Variants in PTPRO observed in about 807,000 individuals in gnomAD.
PTPRO encodes the protein receptor-type tyrosine-protein phosphatase O.
A neutral mutation model predicts 145.2 loss-of-function variants in PTPRO; 62 were observed. The observed-to-expected ratio is 0.43, with a 90% CI of 0.35 to 0.53. The LOEUF is 0.53. Ranked by LOEUF, PTPRO falls within the 20% of genes least tolerant of loss-of-function variation. The pLI is 0.01. For missense variants in PTPRO, 1,345 were observed against 1,482.7 expected, an observed-to-expected ratio of 0.91 and a Z score of 1.53; for synonymous variants, 565 against 514.7, an observed-to-expected ratio of 1.10 and a Z score of -1.32.
chr12:15,580,899 T>C (rs1288397511), intron 22 of PTPRO, 68 bp downstream of exon 22: 3 of 1,579,416 alleles, frequency 1.9e-6, no homozygotes, highest in African/African-American at 1.4e-5. Flanking sequence ...GTTGATGAAA[T>C]GCTTGCTGTT....
At chr12:15,557,610 T>G in intron 16 of PTPRO, 87 bp downstream of exon 16, 1 of 1,174,394 alleles carries the variant, frequency 8.5e-7, no homozygotes, top group Non-Finnish European at 1.3e-6. Flanking sequence ...TTGGGGATAG[T>G]TTTGTCTGAT....
At chr12:15,337,801 GA>G (rs1866816857) in intron 1 of PTPRO, among the ~76,000 whole-genome samples, 1 of 152,156 alleles carries the variant, frequency 6.6e-6, no homozygotes, top group Non-Finnish European at 1.5e-5. Flanking sequence ...ATGCTGAGTG[GA>G]AAAAGTCCAT....
intron 23 of PTPRO, among the ~76,000 whole-genome samples, chr12:15,583,376 G>A (rs1944361568): frequency 6.6e-6 from 1 of 151,934 alleles, no homozygotes; most frequent in Admixed American, 6.6e-5. Flanking sequence ...CTACTCAAGA[G>A]GCTGAGGTGG....
At chr12:15,399,461 C>T (rs566090720) in intron 1 of PTPRO, among the ~76,000 whole-genome samples, 2 of 152,290 alleles carry the variant, frequency 1.3e-5, no homozygotes, top group South Asian at 2.1e-4. Context: ...CACTAGCATG[C>T]AGTACCAAGG....
intron 1 of PTPRO, among the ~76,000 whole-genome samples, chr12:15,396,433 T>A (rs1939341069): frequency 6.6e-6 from 1 of 151,544 alleles, no homozygotes; most frequent in Non-Finnish European, 1.5e-5. Flanking sequence ...CCTTAAAAGT[T>A]ACTAAATTAC....
intron 1 of PTPRO, among the ~76,000 whole-genome samples, chr12:15,469,050 G>A (rs1257019578): frequency 6.6e-6 from 1 of 152,184 alleles, no homozygotes; most frequent in Non-Finnish European, 1.5e-5. Flanking sequence ...TTCGTAAGTA[G>A]GCTGCACTCT....
chr12:15,576,286 C>T (rs1054538063), intron 19 of PTPRO, among the ~76,000 whole-genome samples: 1 of 152,246 alleles, frequency 6.6e-6, no homozygotes, highest in Non-Finnish European at 1.5e-5. Flanking sequence ...TCAAAGCATA[C>T]TGTGTTTACA....
Position 15,497,399 on chromosome 12 carries a change from T to C in PTPRO, c.504T>C (p.Tyr168=). 6.2e-7 allele frequency: 1 copy of C among 1,613,272 alleles called. No individual in the cohort carries two copies. Among genetic ancestry groups the C allele is most frequent in the South Asian group, 1.1e-5 (1 of 91,064 alleles). ...WEGKDFRTML[Y]KDFFKGKTVF... ...GTAAAGACTTCCGGACAATGCTATA[T>C]AAAGGTAAGCAGCAAAAGGAAAGCT... The change falls in exon 3 of 27, where the codon TAT becomes TAC. Residue 168 remains tyrosine, a synonymous_variant. Transcript: ENST00000281171.
chr12:15,347,190 C>T (rs1867250853), intron 1 of PTPRO, among the ~76,000 whole-genome samples: 5 of 152,126 alleles, frequency 3.3e-5, no homozygotes, highest in Admixed American at 2.6e-4. Context: ...TTCCATACTC[C>T]ATCCTTAATT....
intron 1 of PTPRO, among the ~76,000 whole-genome samples, chr12:15,474,614 C>T (rs10846182): frequency 0.53 from 80,459 of 151,998 alleles, 22,341 homozygotes; most frequent in Middle Eastern, 0.66. Context: ...TAAAGGAAAT[C>T]TCAGTAAAAA....
intron 5 of PTPRO, among the ~76,000 whole-genome samples, chr12:15,503,128 A>G (rs533414725): frequency 1.5e-3 from 229 of 152,184 alleles, no homozygotes; most frequent in African/African-American, 5.4e-3. Context: ...TCCTTAATCT[A>G]TCATTTATTT....
intron 23 of PTPRO, among the ~76,000 whole-genome samples, chr12:15,585,756 A>C (rs1458236400): frequency 6.6e-6 from 1 of 152,164 alleles, no homozygotes; most frequent in Non-Finnish European, 1.5e-5. Context: ...GAACTGAGGG[A>C]TGAATCAGAC....
chr12:15,385,082 A>T (rs955615587), intron 1 of PTPRO, among the ~76,000 whole-genome samples: 4 of 152,222 alleles, frequency 2.6e-5, no homozygotes, highest in African/African-American at 9.6e-5. Flanking sequence ...TTTACCAGAA[A>T]ATTTATGGCT....
chr12:15,546,908 T>A (rs1448249022), intron 13 of PTPRO, among the ~76,000 whole-genome samples, 200 bp downstream of exon 13: 1 of 152,226 alleles, frequency 6.6e-6, no homozygotes, highest in Admixed American at 6.5e-5. Context: ...TTTGTCTGTA[T>A]CACTTGTTCC....
chr12:15,473,928 C>G (rs1941598377), intron 1 of PTPRO, among the ~76,000 whole-genome samples: 1 of 152,074 alleles, frequency 6.6e-6, no homozygotes, highest in Admixed American at 6.6e-5. Flanking sequence ...GCAATTAGCC[C>G]TATTTTATAA....
At chr12:15,444,981 T>C (rs1228168161) in intron 1 of PTPRO, among the ~76,000 whole-genome samples, 1 of 152,150 alleles carries the variant, frequency 6.6e-6, no homozygotes, top group East Asian at 1.9e-4. Context: ...GTTCTATAAT[T>C]AGCAACCACA....
chr12:15,506,279 A>G (rs1294384755), intron 6 of PTPRO, among the ~76,000 whole-genome samples: 1 of 152,236 alleles, frequency 6.6e-6, no homozygotes, highest in Non-Finnish European at 1.5e-5. Flanking sequence ...CAACAACCTT[A>G]TGAGGTAAAT....
At chr12:15,345,449 T>C (rs1176819172) in intron 1 of PTPRO, among the ~76,000 whole-genome samples, 1 of 152,134 alleles carries the variant, frequency 6.6e-6, no homozygotes, top group African/African-American at 2.4e-5. Flanking sequence ...TGAATTCATG[T>C]CCTTTGCAGG....
rs1191474084 is a variant in PTPRO at position 15,524,922 on chromosome 12, A to G, written c.2000A>G (p.His667Arg). ...GACTTGTCCCATTCTAGAATGCTTC[A>G]CTGGATGGTGGTTGCAGAAGGAAAA... The part of the protein sequence containing the change: ...TTDLSHSRML[H>R]WMVVAEGKKK... Residue 667 changes from histidine to arginine, a missense_variant, in exon 11 of 27, where the codon CAC becomes CGC. By Grantham distance (29) the His-to-Arg change is conservative (BLOSUM62 0). Coordinates refer to ENST00000281171, the MANE Select transcript of PTPRO (RefSeq NM_030667.3). 6.2e-7 allele frequency: 1 copy of G among 1,614,086 alleles called. No individual in the cohort carries two copies. The highest frequency in any genetic ancestry group is 2.2e-5 in the East Asian group (1 of 44,854).
Sources: gnomAD v4.1 joint callset for allele counts (sites outside exome capture counted in the v4.1 genomes callset) on GRCh38, gnomAD v4.1.1 for gene constraint, MANE v1.5 for transcripts, NCBI Gene and HGNC (gene_info 2026-07-23, HGNC 2026-07-21) for gene names.